PALLD: variants seen among roughly 807,000 people sequenced by gnomAD.
PALLD encodes palladin, cytoskeletal associated protein, also known as palladin.
PALLD carries 61 observed loss-of-function variants against 123.5 expected under a neutral mutation model. That is an observed-to-expected ratio of 0.49 (90% CI 0.40 to 0.61). PALLD has a LOEUF of 0.61. Ranked by LOEUF, PALLD falls within the 20% of genes least tolerant of loss-of-function variation. PALLD has a pLI of 0.00. For missense variants in PALLD, 1,273 were observed against 1,377.0 expected (o/e 0.92, Z 1.20); for synonymous variants, 465 against 496.4 (o/e 0.94, Z 0.84).
intron 10 of PALLD, among the ~76,000 whole-genome samples, chr4:168,775,405 A>G (rs1467104560): frequency 6.6e-6 from 1 of 152,128 alleles, no homozygotes; most frequent in Admixed American, 6.5e-5. Context: ...TTTTCTTATT[A>G]TCAAGTTTCT....
intron 2 of PALLD, among the ~76,000 whole-genome samples, chr4:168,606,542 C>T (rs935666232): frequency 1.6e-4 from 25 of 151,700 alleles, no homozygotes; most frequent in African/African-American, 5.8e-4. Context: ...GGCATGGTAA[C>T]GGTCACCTGT....
chr4:168,499,532 G>A (rs1218645842), intron 1 of PALLD, among the ~76,000 whole-genome samples: 2 of 108,848 alleles, frequency 1.8e-5, no homozygotes, highest in Non-Finnish European at 3.7e-5. Flanking sequence ...TACTTTTTTA[G>A]TAATTGCTTA....
chr4:168,681,761 T>A (rs1310490148), intron 4 of PALLD, among the ~76,000 whole-genome samples: 1 of 151,990 alleles, frequency 6.6e-6, no homozygotes, highest in East Asian at 1.9e-4. Context: ...TTGTCCAGGC[T>A]CATCTGGAAC....
intron 10 of PALLD, among the ~76,000 whole-genome samples, chr4:168,806,506 C>T (rs756963760): frequency 5.3e-5 from 8 of 152,196 alleles, no homozygotes; most frequent in Non-Finnish European, 8.8e-5. Context: ...GCCATGCAGC[C>T]GTGCTTCCTG....
chr4:168,639,620 T>C (rs1222376708), intron 2 of PALLD, among the ~76,000 whole-genome samples: 1 of 151,614 alleles, frequency 6.6e-6, no homozygotes, highest in Non-Finnish European at 1.5e-5. Context: ...CTTGGCTCAC[T>C]GCAAGCTCCA....
rs1261004243 is a variant in PALLD at position 168,615,173 on chromosome 4, A to C, written c.909-53017A>C. Among the ~76,000 whole-genome samples the C allele has an allele frequency of 2.6e-5, 4 of 151,840 alleles. No individual in the cohort carries two copies. In the East Asian group the frequency reaches 7.7e-4, roughly 29 times the overall value. Reference sequence around the variant, plus strand: ...AAAGATGGTAAGTTAAAAAAAAAAAAAACTTTATAAAGCATTACATTAAAA... The same window carrying C: ...AAAGATGGTAAGTTAAAAAAAAAAACAACTTTATAAAGCATTACATTAAAA... On this transcript the variant is annotated intron_variant, in intron 2 of 21. Transcript: ENST00000505667.
intron 18 of PALLD, among the ~76,000 whole-genome samples, chr4:168,924,052 G>A (rs185694778): frequency 6.6e-6 from 1 of 152,322 alleles, no homozygotes; most frequent in East Asian, 1.9e-4. Context: ...TGAATTAATT[G>A]AGGAAATAAA....
chr4:168,518,373 A>G (rs1419889123), intron 2 of PALLD, among the ~76,000 whole-genome samples: 9 of 152,182 alleles, frequency 5.9e-5, no homozygotes. Flanking sequence ...TGAAATCACT[A>G]TCACAGCACT....
intron 1 of PALLD, among the ~76,000 whole-genome samples, chr4:168,498,171 T>C (rs1282166936): frequency 2.6e-5 from 4 of 152,182 alleles, no homozygotes; most frequent in East Asian, 1.9e-4. Context: ...TGACAAGTTA[T>C]TGCTAACAGC....
At chr4:168,694,454 C>T (rs1475899164) in intron 8 of PALLD, among the ~76,000 whole-genome samples, 1 of 152,048 alleles carries the variant, frequency 6.6e-6, no homozygotes, top group Non-Finnish European at 1.5e-5. Context: ...GTCTCTTTCT[C>T]TCCCCTCACC....
chr4:168,642,941 G>T (rs1777102114), intron 2 of PALLD, among the ~76,000 whole-genome samples: 1 of 152,244 alleles, frequency 6.6e-6, no homozygotes, highest in East Asian at 1.9e-4. Flanking sequence ...TAGCAGACGT[G>T]AAAGCTCTTT....
intron 10 of PALLD, among the ~76,000 whole-genome samples, chr4:168,759,477 CA>C (rs1253057099): frequency 6.6e-6 from 1 of 151,792 alleles, no homozygotes; most frequent in Admixed American, 6.6e-5. Context: ...CTTCCTGTTT[CA>C]AACCACAGTT....
chr4:168,686,390 G>A (rs1031711730), intron 6 of PALLD, among the ~76,000 whole-genome samples: 5 of 151,832 alleles, frequency 3.3e-5, no homozygotes, highest in Non-Finnish European at 5.9e-5. Context: ...CCCACCTCCC[G>A]ACAGGCCCCA....
intron 2 of PALLD, among the ~76,000 whole-genome samples, chr4:168,651,142 A>C (rs1187502708): frequency 6.6e-6 from 1 of 152,180 alleles, no homozygotes; most frequent in African/African-American, 2.4e-5. Context: ...TAAATCTGTA[A>C]ATTCTGGTTA....
chr4:168,765,337 A>G (rs764607590), intron 10 of PALLD, among the ~76,000 whole-genome samples: 5 of 152,310 alleles, frequency 3.3e-5, no homozygotes, highest in Non-Finnish European at 5.9e-5. Context: ...CTTGAGAGAC[A>G]GAGAGCGTGG....
At chr4:168,538,444 TAAATA>T (rs141986128) in intron 2 of PALLD, among the ~76,000 whole-genome samples, 43,529 of 150,414 alleles carry the variant, frequency 0.29, 7,496 homozygotes, top group African/African-American at 0.5. Context: ...GTTTTAAATT[TAAATA>T]AAATAAAATA....
At chr4:168,503,846 G>A (rs549107005) in intron 1 of PALLD, among the ~76,000 whole-genome samples, 19 of 152,198 alleles carry the variant, frequency 1.2e-4, no homozygotes, top group African/African-American at 4.1e-4. Flanking sequence ...GGCTGTCCAC[G>A]GGTATGTTTA....
intron 10 of PALLD, among the ~76,000 whole-genome samples, chr4:168,724,537 G>GT (rs1228483733): frequency 6.6e-6 from 1 of 152,130 alleles, no homozygotes; most frequent in African/African-American, 2.4e-5. Flanking sequence ...AGTCAATGTG[G>GT]TTTTTAAAAA....
At chr4:168,556,143 T>G (rs943251897) in intron 2 of PALLD, among the ~76,000 whole-genome samples, 2 of 152,016 alleles carry the variant, frequency 1.3e-5, no homozygotes, top group Admixed American at 6.5e-5. Flanking sequence ...TCGCCCAGGC[T>G]GGAGTGCAGT....
Sources: gnomAD v4.1 joint callset for allele counts (sites outside exome capture counted in the v4.1 genomes callset) on GRCh38, gnomAD v4.1.1 for gene constraint, MANE v1.5 for transcripts, NCBI Gene and HGNC (gene_info 2026-07-23, HGNC 2026-07-21) for gene names.